Variants in UTRN observed in about 807,000 individuals in gnomAD.
UTRN encodes the protein dystrophin-related protein 1.
A neutral mutation model predicts 463.9 loss-of-function variants in UTRN; 283 were observed. That is an observed-to-expected ratio of 0.61 (90% CI 0.55 to 0.67). The LOEUF is 0.67. Ranked by LOEUF, UTRN falls within the 30% of genes least tolerant of loss-of-function variation. The pLI is 0.00. For missense variants in UTRN, 3,922 were observed against 4,084.3 expected, an observed-to-expected ratio of 0.96 and a Z score of 1.08; for synonymous variants, 1,442 against 1,431.5, an observed-to-expected ratio of 1.01 and a Z score of -0.17.
rs1225569163 is a variant in UTRN, at chr6:144,514,044, AAC to A, written c.5073+11_5073+12del. 1 of 1,613,560 alleles carries A rather than the reference AAC, an allele frequency of 6.2e-7. No individual in the cohort carries two copies. Among genetic ancestry groups the A allele is most frequent in the East Asian group, 2.2e-5 (1 of 44,824 alleles). On this transcript the variant is annotated splice_region_variant and intron_variant, in intron 36 of 74. Transcript: ENST00000367545. ...ACAGGAAGAAATTGTGAAGGTAGCAAACACAGACATCAGTAACGCTTTTGGGA... is the reference window on the plus strand; with the variant it reads ...ACAGGAAGAAATTGTGAAGGTAGCAAACAGACATCAGTAACGCTTTTGGGA...
At chr6:144,562,392 C>G (rs920665832) in intron 50 of UTRN, among the ~76,000 whole-genome samples, 10 of 151,988 alleles carry the variant, frequency 6.6e-5, no homozygotes, top group Admixed American at 6.6e-4. Flanking sequence ...GTGTGTTGTT[C>G]CCCTCCCTGG....
intron 2 of UTRN, among the ~76,000 whole-genome samples, chr6:144,383,432 C>A (rs1439295332): frequency 6.6e-6 from 1 of 152,170 alleles, no homozygotes; most frequent in Non-Finnish European, 1.5e-5. Context: ...AAGTAAGCTT[C>A]AGTCTGTAGG....
At chr6:144,780,707 C>A (rs910996560) in intron 60 of UTRN, among the ~76,000 whole-genome samples, 2 of 152,184 alleles carry the variant, frequency 1.3e-5, no homozygotes, top group African/African-American at 4.8e-5. Flanking sequence ...TGCGGGCCTC[C>A]CCTTGGGCAG....
At chr6:144,623,946 A>G (rs528754477) in intron 51 of UTRN, among the ~76,000 whole-genome samples, 1 of 152,352 alleles carries the variant, frequency 6.6e-6, no homozygotes, top group East Asian at 1.9e-4. Context: ...AGTAGAAGAA[A>G]GTAATCATTG....
rs567663930 is a variant in UTRN at position 144,681,709 on chromosome 6, C to A, written c.7652+3131C>A. The stretch of plus-strand genomic sequence containing the variant: ...GTGAAGGGAAGAGGAGGGAAGAATG[C>A]ATTTGCTCTATTATTATAGTTGATA... On this transcript the variant is annotated intron_variant, in intron 52 of 74. Transcript: ENST00000367545. Among the ~76,000 whole-genome samples the A allele has an allele frequency of 1.2e-3, 180 of 152,172 alleles. 1 individual carries two copies. Among genetic ancestry groups the A allele is most frequent in the African/African-American group, 4.0e-3 (167 of 41,520 alleles).
intron 43 of UTRN, among the ~76,000 whole-genome samples, chr6:144,536,251 T>C (rs950205550): frequency 1.3e-5 from 2 of 152,226 alleles, no homozygotes; most frequent in Non-Finnish European, 2.9e-5. Context: ...CTAGTTTTCT[T>C]CATAGTTCTG....
intron 54 of UTRN, among the ~76,000 whole-genome samples, chr6:144,732,250 A>ATATATG (rs1788691059): frequency 8.6e-6 from 1 of 116,740 alleles, no homozygotes; most frequent in African/African-American, 4.1e-5. Flanking sequence ...ATATATATAT[A>ATATATG]TATATATACA....
intron 2 of UTRN, among the ~76,000 whole-genome samples, chr6:144,340,162 G>A (rs1394183758): frequency 6.6e-6 from 1 of 152,054 alleles, no homozygotes; most frequent in Non-Finnish European, 1.5e-5. Context: ...ACAAGACTGC[G>A]ACTGCGTCTC....
At chr6:144,396,749 G>C (rs1157995390) in intron 2 of UTRN, among the ~76,000 whole-genome samples, 1 of 152,064 alleles carries the variant, frequency 6.6e-6, no homozygotes, top group Non-Finnish European at 1.5e-5. Context: ...TAGGAGGAGA[G>C]CTAGGTAAGG....
intron 7 of UTRN, among the ~76,000 whole-genome samples, chr6:144,428,369 AG>A (rs1246992790): frequency 6.7e-6 from 1 of 149,556 alleles, no homozygotes; most frequent in African/African-American, 2.5e-5. Flanking sequence ...TTATATATTT[AG>A]GTTCATTTTT....
At chr6:144,795,810 A>T (rs1050352757) in intron 63 of UTRN, among the ~76,000 whole-genome samples, 8 of 151,886 alleles carry the variant, frequency 5.3e-5, no homozygotes, top group Admixed American at 3.3e-4. Context: ...ATTTTCTCCC[A>T]TTTTGTAGGT....
At chr6:144,814,037 G>A (rs1483171866) in intron 65 of UTRN, among the ~76,000 whole-genome samples, 1 of 152,154 alleles carries the variant, frequency 6.6e-6, no homozygotes, top group Non-Finnish European at 1.5e-5. Flanking sequence ...GAGGGTATGG[G>A]GGAACAGGAC....
In UTRN at chr6:144,568,775, T is replaced by C. The variant is rs1249133472; in HGVS notation, c.7290-8324T>C. Among the ~76,000 whole-genome samples, 9 of 152,140 alleles carry C rather than the reference T, an allele frequency of 5.9e-5. No homozygotes were observed. In the East Asian group the frequency reaches 1.3e-3, roughly 23 times the overall value. ...TGGATTATGTAGTTTTAAAAGGATC[T>C]CTGGAGATTTTGAAATGGGTAATTT... On this transcript the variant is annotated intron_variant, in intron 50 of 74. Coordinates refer to ENST00000367545, the MANE Select transcript of UTRN (RefSeq NM_007124.3).
At chr6:144,496,062 C>T (rs1793612698) in intron 33 of UTRN, among the ~76,000 whole-genome samples, 1 of 152,084 alleles carries the variant, frequency 6.6e-6, no homozygotes, top group South Asian at 2.1e-4. Flanking sequence ...CTAATTTGGG[C>T]ATTTTAGTGA....
intron 44 of UTRN, among the ~76,000 whole-genome samples, chr6:144,538,532 T>C (rs553853690): frequency 3.6e-4 from 55 of 151,792 alleles, no homozygotes; most frequent in African/African-American, 1.1e-3. Context: ...TAGCTGGCCG[T>C]GGTGGCAGGC....
chr6:144,618,065 T>C (rs909074296), intron 51 of UTRN, among the ~76,000 whole-genome samples: 6 of 152,226 alleles, frequency 3.9e-5, no homozygotes, highest in African/African-American at 1.4e-4. Flanking sequence ...AGAGAATACA[T>C]GTGAGTGTTA....
At chr6:144,592,673 A>G (rs968305743) in intron 51 of UTRN, among the ~76,000 whole-genome samples, 16 of 152,234 alleles carry the variant, frequency 1.1e-4, no homozygotes, top group Admixed American at 8.5e-4. Context: ...CCAGCCAATG[A>G]AAAGCTTTTG....
At chr6:144,803,311 GA>G (rs796795000) in intron 65 of UTRN, among the ~76,000 whole-genome samples, 164 bp downstream of exon 65, 8 of 151,214 alleles carry the variant, frequency 5.3e-5, no homozygotes, top group African/African-American at 1.5e-4. Flanking sequence ...AATTAGTGCA[GA>G]AAAAAATATT....
chr6:144,670,024 G>T (rs1780842446), intron 51 of UTRN, among the ~76,000 whole-genome samples: 1 of 150,820 alleles, frequency 6.6e-6, no homozygotes, highest in African/African-American at 2.4e-5. Context: ...TTATCCACTT[G>T]TTGACTGATT....
Sources: gnomAD v4.1 joint callset for allele counts (sites outside exome capture counted in the v4.1 genomes callset) on GRCh38, gnomAD v4.1.1 for gene constraint, MANE v1.5 for transcripts, NCBI Gene and HGNC (gene_info 2026-07-23, HGNC 2026-07-21) for gene names.